Variants in RYR1 observed in about 807,000 individuals in gnomAD.
RYR1 encodes the protein ryanodine receptor 1.
RYR1 carries 342 observed loss-of-function variants against 583.5 expected under a neutral mutation model. The observed-to-expected ratio is 0.59, with a 90% confidence interval of 0.54 to 0.64. RYR1 has a LOEUF of 0.64. Ranked by LOEUF, RYR1 falls within the 30% of genes least tolerant of loss-of-function variation. The probability of loss-of-function intolerance (pLI) is 0.00; values close to 1 mark genes in which losing one functional copy is unlikely to be tolerated. For missense variants in RYR1, 6,032 were observed against 6,917.2 expected, an observed-to-expected ratio of 0.87 and a Z score of 4.54; for synonymous variants, 2,791 against 2,822.5, an observed-to-expected ratio of 0.99 and a Z score of 0.35.
chr19:38,581,164 G>A (rs1220163150), intron 101 of RYR1, among the ~76,000 whole-genome samples: 2 of 151,770 alleles, frequency 1.3e-5, no homozygotes, highest in Admixed American at 6.6e-5. Context: ...TGCAAGCTCC[G>A]CCTCCCGGGT....
At chr19:38,468,079 TCCATCCATCCATCCAA>T (rs759003270) in intron 25 of RYR1, among the ~76,000 whole-genome samples, 1 of 122,460 alleles carries the variant, frequency 8.2e-6, no homozygotes, top group Non-Finnish European at 1.8e-5. Context: ...CATCCATCCA[TCCATCCATCCATCCAA>T]CCATCCATCC....
intron 23 of RYR1, 42 bp downstream of exon 23, chr19:38,464,764 G>C: frequency 6.5e-7 from 1 of 1,528,202 alleles, no homozygotes; most frequent in African/African-American, 1.4e-5. Context: ...ATGGACTGGG[G>C]GCTGGGGATG....
At chr19:38,527,939 G>C (rs1568541234) in intron 73 of RYR1, among the ~76,000 whole-genome samples, 155 bp downstream of exon 73, 1 of 146,326 alleles carries the variant, frequency 6.8e-6, no homozygotes, top group Non-Finnish European at 1.5e-5. Context: ...GCTTAGAATG[G>C]ATCGGGGGAG....
rs1599625499 is a variant in RYR1, at chr19:38,561,253, C to T, written c.12423C>T (p.Asn4141=). 2 of 1,613,958 alleles carry T rather than the reference C, an allele frequency of 1.2e-6. No individual in the cohort carries two copies. Among genetic ancestry groups the T allele is most frequent in the African/African-American group, 1.3e-5 (1 of 74,930 alleles). The change falls in exon 90 of 106, where the codon AAC becomes AAT. Residue 4141 remains asparagine (N), a synonymous_variant. Coordinates refer to ENST00000359596, the MANE Select transcript of RYR1 (RefSeq NM_000540.3). This position sits in a 1 kb window ranked among gnomAD's most constrained non-coding sequence, Gnocchi z 4.8. ...AGCCAGCACGCGACATCGGCTTCAACGTGGCGGTGCTGCTGACCAACCTGT... is the reference window on the plus strand; with the variant it reads ...AGCCAGCACGCGACATCGGCTTCAATGTGGCGGTGCTGCTGACCAACCTGT... The part of the protein sequence containing the change: ...FQEPARDIGF[N]VAVLLTNLSE...
In RYR1 at chr19:38,452,074, G is replaced by A. The variant is rs4802469; in HGVS notation, c.1244+189G>A. On this transcript the variant is annotated intron_variant, in intron 12 of 105. Coordinates refer to ENST00000359596, the MANE Select transcript of RYR1 (RefSeq NM_000540.3). Reference sequence around the variant, plus strand: ...GAGGGCAAGGCATGAGGATCGCTTGGGCCCAGGAGCTTGAGACCAGCCTGG... The same window carrying A: ...GAGGGCAAGGCATGAGGATCGCTTGAGCCCAGGAGCTTGAGACCAGCCTGG... Among the ~76,000 whole-genome samples the A allele has an allele frequency of 0.9, 131,052 of 146,180 alleles. 58,881 individuals carry two copies. The highest frequency in any genetic ancestry group is 0.99 in the East Asian group (4,911 of 4,964).
chr19:38,530,950 A>G (rs534303981), intron 76 of RYR1, among the ~76,000 whole-genome samples: 77 of 149,070 alleles, frequency 5.2e-4, no homozygotes, highest in Non-Finnish European at 9.2e-4. Flanking sequence ...TTACAGGTGC[A>G]TGCCACCATG....
intron 76 of RYR1, among the ~76,000 whole-genome samples, chr19:38,529,757 T>G (rs1189249193): frequency 6.6e-6 from 1 of 152,202 alleles, no homozygotes; most frequent in Non-Finnish European, 1.5e-5. Context: ...AATGACAGGC[T>G]TAGTAATAAA....
At chr19:38,516,795 A>C (rs1426530437) in intron 65 of RYR1, among the ~76,000 whole-genome samples, 5 of 152,168 alleles carry the variant, frequency 3.3e-5, no homozygotes, top group African/African-American at 7.2e-5. Flanking sequence ...TTCAGCAGTG[A>C]ACAGATAAAA....
intron 95 of RYR1, among the ~76,000 whole-genome samples, chr19:38,572,941 C>A (rs1002294856): frequency 1.3e-5 from 2 of 150,992 alleles, no homozygotes; most frequent in Non-Finnish European, 3.0e-5. Context: ...GCACCACATT[C>A]CAGCCCTGAC....
At position 38,567,886 on chromosome 19, in the gene RYR1, G is replaced by C. The variant is rs200002274; in HGVS notation, c.13628G>C (p.Gly4543Ala). 6.2e-6 allele frequency: 10 copies of C among 1,613,756 alleles called. No homozygotes were observed. In the Admixed American group the frequency reaches 1.7e-4, roughly 27 times the overall value. Residue 4543 changes from glycine (G) to alanine (A), a missense_variant, in exon 93 of 106, where the codon GGA becomes GCA. By Grantham distance (60) the Gly-to-Ala change is moderately conservative. Around this residue, in one of 11 missense-constraint regions of RYR1, gnomAD observed 753 missense variants for 759.6 expected, o/e 0.99. Coordinates refer to ENST00000359596, the MANE Select transcript of RYR1 (RefSeq NM_000540.3). Reference sequence around the variant, plus strand: ...GAGGAAGCTGGAGGCGAATTCTGGGGAGAACTGGAGGTGCAGAGGGTGAAG... The same window carrying C: ...GAGGAAGCTGGAGGCGAATTCTGGGCAGAACTGGAGGTGCAGAGGGTGAAG... Reference protein sequence around the residue: ...KKEEAGGEFWGELEVQRVKFL... With the variant: ...KKEEAGGEFWAELEVQRVKFL...
At position 38,482,384 on chromosome 19, in the gene RYR1, G is replaced by A. The variant is rs570222035; in HGVS notation, c.4621-643G>A. On this transcript the variant is annotated intron_variant, in intron 31 of 105. Coordinates refer to ENST00000359596, the MANE Select transcript of RYR1 (RefSeq NM_000540.3). ...CTTCAGAGACAATGTTGTTTGTGGA[G>A]GCAGAGGCTGGCTGGATGGGCTCCA... Among the ~76,000 whole-genome samples, 3 of 152,240 alleles carry A rather than the reference G, an allele frequency of 2.0e-5. No homozygotes were observed. In the South Asian group the frequency reaches 6.2e-4, roughly 32 times the overall value.
chr19:38,551,978 T>G (rs1972684699), intron 89 of RYR1, among the ~76,000 whole-genome samples: 1 of 152,142 alleles, frequency 6.6e-6, no homozygotes, highest in Non-Finnish European at 1.5e-5. Context: ...GACAGGGTCT[T>G]GCTTTATCAG....
At chr19:38,579,922 C>G (rs1974122207) in intron 99 of RYR1, 60 bp from the exon 100 acceptor site, 4 of 1,612,166 alleles carry the variant, frequency 2.5e-6, no homozygotes, top group Non-Finnish European at 3.4e-6. Context: ...CCCCTACCCT[C>G]CAGAGTGCTC....
At chr19:38,441,497 G>T (rs1972682346) in intron 2 of RYR1, among the ~76,000 whole-genome samples, 1 of 150,812 alleles carries the variant, frequency 6.6e-6, no homozygotes, top group South Asian at 2.1e-4. Flanking sequence ...CTGAGGGAAG[G>T]TGATCCCCAA....
chr19:38,490,801 T>A, intron 37 of RYR1, 69 bp downstream of exon 37: 1 of 989,712 alleles, frequency 1.0e-6, no homozygotes, highest in Non-Finnish European at 1.6e-6. Flanking sequence ...GAAGTTTCCC[T>A]AAGATTTCCT....
intron 21 of RYR1, 71 bp from the exon 22 acceptor site, chr19:38,463,676 G>T: frequency 2.0e-6 from 3 of 1,517,414 alleles, no homozygotes; most frequent in East Asian, 2.3e-5. Flanking sequence ...GAGGTCAGGG[G>T]TCATAGTCTG....
At position 38,499,323 on chromosome 19, in the gene RYR1, C is replaced by T. The variant is rs1969989730; in HGVS notation, c.7027+80C>T. ...CCTCCCTCGAGATGACTGCTCGCAC[C>T]CTGAGCCACAGATGGGGTCCAGGCA... On this transcript the variant is annotated intron_variant, in intron 43 of 105. Transcript: ENST00000359596. This position sits in a 1 kb window ranked among gnomAD's most constrained non-coding sequence, Gnocchi z 7.3. 1 of 1,602,520 alleles carries T rather than the reference C, an allele frequency of 6.2e-7. No individual in the cohort carries two copies. The highest frequency in any genetic ancestry group is 8.5e-7 in the Non-Finnish European group (1 of 1,170,568).
chr19:38,479,819 C>A (rs182412785), intron 31 of RYR1, among the ~76,000 whole-genome samples: 4 of 151,822 alleles, frequency 2.6e-5, no homozygotes, highest in African/African-American at 4.8e-5. Context: ...TGGACTCAAG[C>A]GATCCTCCCA....
chr19:38,525,539 T>C (rs771123434), intron 71 of RYR1, 37 bp downstream of exon 71: 56 of 1,605,456 alleles, frequency 3.5e-5, no homozygotes, highest in Non-Finnish European at 4.3e-5. Flanking sequence ...CCTTCCAGGA[T>C]GCCGCCCAGC....
Sources: allele counts gnomAD v4.1 joint callset (sites outside exome capture counted in the v4.1 genomes callset), GRCh38; gene constraint gnomAD v4.1.1; regional missense constraint gnomAD v4.1.1; non-coding constraint Gnocchi (gnomAD v3.1); transcripts MANE v1.5; gene names NCBI Gene and HGNC (gene_info 2026-07-23, HGNC 2026-07-21).